The following NCKAP5 variants were observed in gnomAD, a reference collection of about 807,000 sequenced individuals.
NCKAP5 encodes nck-associated protein 5.
In NCKAP5, 92 loss-of-function variants were observed where a neutral mutation model predicts 167.0. That is an observed-to-expected ratio of 0.55 (90% CI 0.47 to 0.66). The LOEUF (loss-of-function observed/expected upper bound fraction) is 0.66. Among genes scored for constraint, NCKAP5 ranks in the 30% least tolerant of loss-of-function variants. The probability of loss-of-function intolerance (pLI) is 0.00; values close to 1 mark genes in which losing one functional copy is unlikely to be tolerated. For synonymous variants in NCKAP5, 891 were observed against 877.4 expected, an observed-to-expected ratio of 1.02 and a Z score of -0.27; for missense variants, 2,378 against 2,315.0, an observed-to-expected ratio of 1.03 and a Z score of -0.56.
chr2:132,898,707 G>A (rs1693393438), intron 8 of NCKAP5, among the ~76,000 whole-genome samples: 1 of 152,168 alleles, frequency 6.6e-6, no homozygotes, highest in South Asian at 2.1e-4. Context: ...GGATGGCAAG[G>A]TACATAGTTT....
chr2:133,561,216 T>C (rs1688132529), intron 1 of NCKAP5, among the ~76,000 whole-genome samples: 1 of 152,254 alleles, frequency 6.6e-6, no homozygotes, highest in South Asian at 2.1e-4. Context: ...AATTGGCCTG[T>C]ATGTGAAATT....
chr2:133,126,049 G>C (rs2082394183), intron 6 of NCKAP5, among the ~76,000 whole-genome samples: 1 of 152,150 alleles, frequency 6.6e-6, no homozygotes, highest in Non-Finnish European at 1.5e-5. Context: ...GTTCAGGCTT[G>C]CCTGGTGCCT....
chr2:132,997,427 A>C (rs1209189630), intron 6 of NCKAP5, among the ~76,000 whole-genome samples: 2 of 152,188 alleles, frequency 1.3e-5, no homozygotes, highest in Non-Finnish European at 2.9e-5. Context: ...TTATGTTATT[A>C]ATAATAACTC....
chr2:133,057,371 C>G (rs910845159), intron 6 of NCKAP5, among the ~76,000 whole-genome samples: 3 of 152,064 alleles, frequency 2.0e-5, no homozygotes, highest in Non-Finnish European at 4.4e-5. Context: ...CAAGACAGGC[C>G]GAAAGCTAGG....
chr2:132,704,669 C>T (rs1467074304), intron 19 of NCKAP5, among the ~76,000 whole-genome samples: 1 of 152,190 alleles, frequency 6.6e-6, no homozygotes, highest in South Asian at 2.1e-4. Flanking sequence ...TCATACCTTT[C>T]GTGTCCACAT....
At chr2:132,685,476 G>A (rs552560372) in intron 19 of NCKAP5, among the ~76,000 whole-genome samples, 3 of 152,252 alleles carry the variant, frequency 2.0e-5, no homozygotes, top group East Asian at 1.9e-4. Context: ...CAGTAACGTC[G>A]GAAATGAATG....
chr2:133,608,972 C>A, the NCKAP5 span, among the ~76,000 whole-genome samples: 2 of 152,164 alleles, frequency 1.3e-5, no homozygotes, highest in Admixed American at 6.5e-5. Context: ...ATTTTCAAGT[C>A]TTGATCTTTG....
intron 5 of NCKAP5, among the ~76,000 whole-genome samples, chr2:133,190,682 T>C (rs1314854413): frequency 2.6e-5 from 4 of 152,174 alleles, no homozygotes; most frequent in Non-Finnish European, 4.4e-5. Flanking sequence ...GGATTCCCTA[T>C]TTAATAAATG....
intron 3 of NCKAP5, among the ~76,000 whole-genome samples, chr2:133,376,448 C>T (rs908527752): frequency 6.6e-6 from 1 of 152,158 alleles, no homozygotes; most frequent in Non-Finnish European, 1.5e-5. Flanking sequence ...TTTGCTTCTA[C>T]ATTCTACATA....
chr2:133,132,960 G>T (rs1182321233), intron 5 of NCKAP5, among the ~76,000 whole-genome samples: 1 of 152,044 alleles, frequency 6.6e-6, no homozygotes, highest in Admixed American at 6.6e-5. Context: ...ATAGGCGTTA[G>T]CCACCACGCC....
intron 6 of NCKAP5, among the ~76,000 whole-genome samples, chr2:133,050,572 A>G (rs1386684709): frequency 6.6e-6 from 1 of 152,176 alleles, no homozygotes; most frequent in African/African-American, 2.4e-5. Context: ...GAACAACAAC[A>G]TTTTCTCCCT....
intron 3 of NCKAP5, among the ~76,000 whole-genome samples, chr2:133,516,286 G>C (rs980726397): frequency 1.3e-5 from 2 of 152,052 alleles, no homozygotes; most frequent in Non-Finnish European, 2.9e-5. Flanking sequence ...CAGACACCCA[G>C]ACACACTCAC....
intron 3 of NCKAP5, among the ~76,000 whole-genome samples, chr2:133,351,340 T>C (rs995392374): frequency 1.3e-5 from 2 of 152,140 alleles, no homozygotes. Context: ...AGTGTGAAAC[T>C]TGGTACTTGT....
chr2:132,885,637 T>C lies in NCKAP5; in HGVS notation c.580-6721A>G, dbSNP rs1692154729. On this transcript the variant is annotated intron_variant, in intron 8 of 19. Transcript: ENST00000409261. ...ACAGAGCAAATCCGTATTGGTTTGG[T>C]TTACTGTGGAAAAGGGGTTTGACTT... is the stretch of plus-strand genomic sequence containing the variant. Among the ~76,000 whole-genome samples, 11 of 152,334 alleles carry C rather than the reference T, an allele frequency of 7.2e-5. No individual in the cohort carries two copies. The South Asian group carries it at 2.3e-3, about 32-fold the overall frequency.
chr2:133,463,158 A>G (rs1460609409), intron 3 of NCKAP5, among the ~76,000 whole-genome samples: 2 of 152,230 alleles, frequency 1.3e-5, no homozygotes, highest in East Asian at 3.9e-4. Flanking sequence ...TATTTTGTTT[A>G]GGCTTTAGCC....
intron 19 of NCKAP5, among the ~76,000 whole-genome samples, chr2:132,676,445 A>G (rs1055481814): frequency 2.6e-5 from 4 of 151,950 alleles, no homozygotes; most frequent in South Asian, 2.1e-4. Flanking sequence ...AGTCTTAACT[A>G]TGAGTCTGGG....
chr2:133,674,064 T>G, the NCKAP5 span, among the ~76,000 whole-genome samples: 1 of 152,200 alleles, frequency 6.6e-6, no homozygotes, highest in Non-Finnish European at 1.5e-5. Flanking sequence ...ACAGAAATCA[T>G]GCAACTGCAC....
chr2:133,319,980 C>A (rs899068957), intron 3 of NCKAP5, among the ~76,000 whole-genome samples: 4 of 152,212 alleles, frequency 2.6e-5, no homozygotes, highest in Non-Finnish European at 5.9e-5. Flanking sequence ...GCAGGTGAAT[C>A]TAATTCCAGC....
At chr2:133,030,366 C>A (rs1406276469) in intron 6 of NCKAP5, among the ~76,000 whole-genome samples, 1 of 152,144 alleles carries the variant, frequency 6.6e-6, no homozygotes, top group Non-Finnish European at 1.5e-5. Flanking sequence ...AGCAGCCCAG[C>A]CGCCGTGTTT....
Sources: allele counts gnomAD v4.1 joint callset (sites outside exome capture counted in the v4.1 genomes callset), GRCh38; gene constraint gnomAD v4.1.1; transcripts MANE v1.5; gene names NCBI Gene and HGNC (gene_info 2026-07-23, HGNC 2026-07-21).